The following DACH2 variants were observed in gnomAD, a reference collection of about 807,000 sequenced individuals.
DACH2 encodes the protein dachshund homolog 2.
In DACH2, 17 loss-of-function variants were observed where a neutral mutation model predicts 35.8. That is an observed-to-expected ratio of 0.48 (90% CI 0.33 to 0.71). The LOEUF (loss-of-function observed/expected upper bound fraction) is 0.71. Ranked by LOEUF, DACH2 falls within the 30% of genes least tolerant of loss-of-function variation. The pLI is 0.02. For missense variants in DACH2, 469 were observed against 472.7 expected (o/e 0.99, Z 0.07); for synonymous variants, 195 against 177.3 (o/e 1.10, Z -0.79).
At chrX:86,568,792 T>C (rs1172256886) in intron 3 of DACH2, among the ~76,000 whole-genome samples, 2 of 111,417 alleles carry the variant, frequency 1.8e-5, no homozygotes, top group African/African-American at 3.3e-5. Context: ...CCATTCCTTT[T>C]TGTTATTTTG....
At chrX:86,675,747 G>GT (rs201773598) in intron 4 of DACH2, among the ~76,000 whole-genome samples, 18,873 of 108,832 alleles carry the variant, frequency 0.17, 1,421 homozygotes, top group East Asian at 0.48. Context: ...GAAATTAAGA[G>GT]TTTTTTTTTC....
chrX:86,373,146 T>C (rs1473679064), intron 1 of DACH2, among the ~76,000 whole-genome samples: 4 of 110,739 alleles, frequency 3.6e-5, no homozygotes, highest in Non-Finnish European at 7.6e-5. Context: ...CAAGTTCATG[T>C]GTGTTTTTGG....
chrX:86,715,255 A>G (rs1258926337), intron 6 of DACH2, among the ~76,000 whole-genome samples: 1 of 111,594 alleles, frequency 9.0e-6, no homozygotes, highest in East Asian at 2.8e-4. Context: ...GGCTGTCTGG[A>G]GATAATATGA....
chrX:86,557,723 T>C (rs1455450512), intron 3 of DACH2, among the ~76,000 whole-genome samples: 1 of 57,262 alleles, frequency 1.7e-5, no homozygotes, highest in African/African-American at 5.9e-5. Context: ...GGGAGTTCAC[T>C]CATGATTTGG....
intron 1 of DACH2, among the ~76,000 whole-genome samples, chrX:86,165,873 A>G (rs2030926085): frequency 1.8e-5 from 2 of 111,594 alleles, no homozygotes; most frequent in South Asian, 7.3e-4. Flanking sequence ...TTGGTTGCCT[A>G]TACTTGTGGG....
intron 1 of DACH2, among the ~76,000 whole-genome samples, chrX:86,225,345 T>C (rs2032800296): frequency 1.8e-5 from 2 of 111,649 alleles, no homozygotes; most frequent in African/African-American, 3.2e-5. Context: ...TTTTAAATTC[T>C]TGATCCAGCT....
At chrX:86,537,027 C>A (rs1262759266) in intron 3 of DACH2, among the ~76,000 whole-genome samples, 1 of 111,636 alleles carries the variant, frequency 9.0e-6, no homozygotes, top group East Asian at 2.8e-4. Flanking sequence ...ACCACCATGA[C>A]AAGTCTTTGC....
Position 86,481,593 on chromosome X carries a change from C to A in DACH2, c.528-32686C>A, listed in dbSNP as rs373333350. On this transcript the variant is annotated intron_variant, in intron 2 of 11. Transcript: ENST00000373125. ...AAATTTAGGCAGAAATAGCTAGTTTCTCTAAGGATCACCAAGTATAGAAGA... is the reference window on the plus strand; with the variant it reads ...AAATTTAGGCAGAAATAGCTAGTTTATCTAAGGATCACCAAGTATAGAAGA... 3.6e-5 allele frequency: 4 copies of A among 112,430 alleles called. No homozygotes were observed. In the East Asian group the frequency reaches 1.1e-3, roughly 31 times the overall value. 9.3% of individuals were successfully genotyped at this position (112,430 alleles called of 1,213,427 possible).
At chrX:86,478,722 G>A (rs1435662103) in intron 2 of DACH2, among the ~76,000 whole-genome samples, 1 of 108,832 alleles carries the variant, frequency 9.2e-6, no homozygotes, top group Admixed American at 9.9e-5. Context: ...CAAATTCCTA[G>A]GGGGAGCAGA....
intron 2 of DACH2, among the ~76,000 whole-genome samples, chrX:86,420,911 C>T (rs770314119): frequency 4.5e-5 from 5 of 110,310 alleles, no homozygotes; most frequent in Admixed American, 3.9e-4. Flanking sequence ...TAGATTGTAC[C>T]CTTAAATGGT....
At chrX:86,507,258 A>G (rs1751515432) in intron 2 of DACH2, among the ~76,000 whole-genome samples, 1 of 111,238 alleles carries the variant, frequency 9.0e-6, no homozygotes, top group Admixed American at 9.6e-5. Context: ...TCAAACTTGA[A>G]ATGCTAACTG....
chrX:86,698,514 G>GTTTTTTTTTTTTTTTTTTT lies in DACH2; in HGVS notation c.931+3339_931+3340insTTTTTTTTTTTTTTTTTTT, dbSNP rs1345238527. On this transcript the variant is annotated intron_variant, in intron 5 of 11. Coordinates refer to ENST00000373125, the MANE Select transcript of DACH2 (RefSeq NM_053281.3). Reference sequence around the variant, plus strand: ...TTAATTTCTTCTTTTTGTTTTGTTAGTTTTGTGTTTTTTTTTTTTTTTTTT... The same window carrying GTTTTTTTTTTTTTTTTTTT: ...TTAATTTCTTCTTTTTGTTTTGTTAGTTTTTTTTTTTTTTTTTTTTTTTGTGTTTTTTTTTTTTTTTTTT... 6.4e-4 allele frequency among the ~76,000 whole-genome samples: 22 copies of GTTTTTTTTTTTTTTTTTTT among 34,339 alleles called. 3 individuals carry two copies. The highest frequency in any genetic ancestry group is 1.4e-3 in the South Asian group (1 of 711). 29.8% of individuals were successfully genotyped at this position (34,339 alleles called of 115,157 possible). A position where few individuals can be genotyped will look rare whatever the true frequency, so the allele number is the denominator to read the frequency against.
chrX:86,598,566 T>C (rs753774007), intron 3 of DACH2, among the ~76,000 whole-genome samples: 1 of 111,459 alleles, frequency 9.0e-6, no homozygotes, highest in Non-Finnish European at 1.9e-5. Context: ...GGTTTTTTTC[T>C]ACCACAGGAG....
chrX:86,831,597 G>A (rs1174179492), intron 11 of DACH2: 1 of 110,720 alleles, frequency 9.0e-6, no homozygotes, highest in Non-Finnish European at 1.9e-5. Flanking sequence ...ATCATTTAGA[G>A]GGATACCGGT....
chrX:86,427,627 T>A (rs2036916006), intron 2 of DACH2, among the ~76,000 whole-genome samples: 1 of 111,296 alleles, frequency 9.0e-6, no homozygotes, highest in Admixed American at 9.6e-5. Flanking sequence ...TGATTCTACA[T>A]CCCTAAGAAC....
intron 7 of DACH2, among the ~76,000 whole-genome samples, chrX:86,775,227 T>TAA (rs2042020836): frequency 9.0e-6 from 1 of 111,035 alleles, no homozygotes; most frequent in East Asian, 2.9e-4. Context: ...AAGAATATGT[T>TAA]GTGTTTAAAT....
At position 86,403,034 on chromosome X, in the gene DACH2, A is replaced by C. The variant is rs1039216736; in HGVS notation, c.527+26172A>C. Among the ~76,000 whole-genome samples, 7 of 112,314 alleles carry C rather than the reference A, an allele frequency of 6.2e-5. 1 individual carries two copies. In the Admixed American group the frequency reaches 6.6e-4, roughly 11 times the overall value. On this transcript the variant is annotated intron_variant, in intron 2 of 11. Coordinates refer to ENST00000373125, the MANE Select transcript of DACH2 (RefSeq NM_053281.3). ...TTTTACCATATACAAAAATTAACTG[A>C]AGATGGATCAAAGATTTAAATGTAA...
intron 7 of DACH2, among the ~76,000 whole-genome samples, chrX:86,804,530 AC>A (rs1329780282): frequency 8.9e-6 from 1 of 111,946 alleles, no homozygotes; most frequent in Non-Finnish European, 1.9e-5. Context: ...ATTTCAAAAT[AC>A]AATCATGCCT....
chrX:86,521,399 A>G (rs1416753929), intron 3 of DACH2, among the ~76,000 whole-genome samples: 1 of 111,377 alleles, frequency 9.0e-6, no homozygotes, highest in Non-Finnish European at 1.9e-5. Context: ...CTTGTGTAGA[A>G]TCTTGCAGCA....
Sources: gnomAD v4.1 joint callset for allele counts (sites outside exome capture counted in the v4.1 genomes callset) on GRCh38, gnomAD v4.1.1 for gene constraint, MANE v1.5 for transcripts, NCBI Gene and HGNC (gene_info 2026-07-23, HGNC 2026-07-21) for gene names.